ZFAT: variants seen among roughly 807,000 people sequenced by gnomAD.
ZFAT encodes the protein zinc finger and AT-hook domain containing.
Under a neutral mutation model 117.7 loss-of-function variants are expected in ZFAT, and 64 were observed. The ratio of observed to expected loss-of-function variants is 0.54; its 90% confidence interval spans 0.44 to 0.67. The LOEUF is 0.67. Among genes scored for constraint, ZFAT ranks in the 30% least tolerant of loss-of-function variants. The pLI is 0.00. For synonymous variants in ZFAT, 679 were observed against 615.0 expected, an observed-to-expected ratio of 1.10 and a Z score of -1.54; for missense variants, 1,433 against 1,584.5, an observed-to-expected ratio of 0.90 and a Z score of 1.62.
intron 3 of ZFAT, among the ~76,000 whole-genome samples, chr8:134,617,446 T>C (rs117101302): frequency 0.013 from 2,016 of 152,330 alleles, 25 homozygotes; most frequent in Non-Finnish European, 0.02. Context: ...TCCCAGCTAG[T>C]ATTAATAACA....
intron 11 of ZFAT, chr8:134,564,932 T>C (rs1824320930): frequency 1.7e-6 from 2 of 1,207,330 alleles, no homozygotes; most frequent in African/African-American, 3.2e-5. Context: ...ATCTCCAGTT[T>C]TTACAACTGC....
chr8:134,518,109 C>T (rs995799345), intron 13 of ZFAT, among the ~76,000 whole-genome samples: 1 of 152,218 alleles, frequency 6.6e-6, no homozygotes, highest in African/African-American at 2.4e-5. Context: ...CGGATCTCAT[C>T]TGCTATGATT....
At chr8:134,585,291 G>C (rs528342855) in intron 9 of ZFAT, among the ~76,000 whole-genome samples, 1 of 152,110 alleles carries the variant, frequency 6.6e-6, no homozygotes, top group Non-Finnish European at 1.5e-5. Flanking sequence ...CCGAGTCAAA[G>C]CTACAGATGG....
rs533931245 is a variant in ZFAT at position 134,490,084 on chromosome 8, C to T, written c.3493-11363G>A. 2.6e-5 allele frequency among the ~76,000 whole-genome samples: 4 copies of T among 152,364 alleles called. No homozygotes were observed. The South Asian group carries it at 8.3e-4, about 32-fold the overall frequency. On this transcript the variant is annotated intron_variant, in intron 15 of 15. Coordinates refer to ENST00000377838, the MANE Select transcript of ZFAT (RefSeq NM_020863.4). ...CTACCCCGGCCAGGCCACGCTATTT[C>T]TCACTCTAGGTGTGACCACAAGAGC... is the stretch of plus-strand genomic sequence containing the variant.
the ZFAT span, among the ~76,000 whole-genome samples, chr8:134,751,617 G>A: frequency 6.6e-6 from 1 of 152,172 alleles, no homozygotes; most frequent in Admixed American, 6.5e-5. Context: ...TCTCACATGA[G>A]GATTGATTTT....
intron 11 of ZFAT, among the ~76,000 whole-genome samples, chr8:134,559,843 T>A (rs971410123): frequency 6.6e-6 from 1 of 152,228 alleles, no homozygotes; most frequent in Admixed American, 6.5e-5. Context: ...TTTTTATATA[T>A]CCTTTGCCTA....
intron 2 of ZFAT, among the ~76,000 whole-genome samples, chr8:134,648,754 A>G (rs985910618): frequency 2.6e-5 from 4 of 152,276 alleles, no homozygotes; most frequent in Non-Finnish European, 4.4e-5. Context: ...TCCAAAAAAT[A>G]GAAGAGGAGG....
the ZFAT span, among the ~76,000 whole-genome samples, chr8:134,827,500 G>A: frequency 1.1e-4 from 17 of 152,066 alleles, no homozygotes; most frequent in Admixed American, 9.8e-4. Context: ...CTGGGCACGG[G>A]CTAACACCTG....
At position 134,657,750 on chromosome 8, in the gene ZFAT, A is replaced by G. The variant is rs752796903; in HGVS notation, c.20-13T>C. ...ATGGCCGTGTTTTCTGTAAGGAAAA[A>G]AAAGGAAAATATGTTATTTCATCTC... On this transcript the variant is annotated splice_polypyrimidine_tract_variant and intron_variant, in intron 1 of 15. Transcript: ENST00000377838. The G allele has an allele frequency of 4.4e-6, 7 of 1,607,800 alleles. No individual in the cohort carries two copies. In the South Asian group the frequency reaches 4.4e-5, roughly 10 times the overall value.
chr8:134,608,760 T>C lies in ZFAT; in HGVS notation c.754A>G (p.Thr252Ala). ...RGYQEYAIQQ[T>A]PYEQPMKSSR... ...GACTTCATTGGTTGCTCATAAGGTG[T>C]CTGCTGAATGGCGTATTCCTGGTAG... Residue 252 changes from threonine to alanine, a missense_variant, in exon 5 of 16, where the codon ACA becomes GCA. Physicochemically the swap from Thr to Ala is moderately conservative, Grantham distance 58. Around this residue, in one of 5 missense-constraint regions of ZFAT, gnomAD observed 436 missense variants for 482.0 expected, o/e 0.90. Coordinates refer to ENST00000377838, the MANE Select transcript of ZFAT (RefSeq NM_020863.4). 1.9e-6 allele frequency: 3 copies of C among 1,610,884 alleles called. No homozygotes were observed. The highest frequency in any genetic ancestry group is 2.7e-5 in the African/African-American group (2 of 74,854).
At chr8:134,556,726 A>G (rs1823654874) in intron 11 of ZFAT, among the ~76,000 whole-genome samples, 1 of 152,182 alleles carries the variant, frequency 6.6e-6, no homozygotes, top group South Asian at 2.1e-4. Flanking sequence ...ACATACAGAC[A>G]TTCTCAAACA....
At chr8:134,800,222 A>T in the ZFAT span, among the ~76,000 whole-genome samples, 1 of 152,174 alleles carries the variant, frequency 6.6e-6, no homozygotes, top group African/African-American at 2.4e-5. Context: ...TACAATAAAA[A>T]TTTAAATTGA....
At chr8:134,804,958 C>G in the ZFAT span, 2 of 532,048 alleles carry the variant, frequency 3.8e-6, no homozygotes, top group Middle Eastern at 3.2e-4. Flanking sequence ...ACTTTCTGAA[C>G]AAGAAATTTA....
intron 15 of ZFAT, among the ~76,000 whole-genome samples, chr8:134,498,364 C>G: frequency 7.7e-6 from 1 of 130,490 alleles, no homozygotes; most frequent in Non-Finnish European, 1.6e-5. Context: ...CACACACAGC[C>G]TGATTTGGTA....
rs374187776 is a variant in ZFAT, at chr8:134,602,551, C to T, written c.1168G>A (p.Glu390Lys). ...QDKKVKEALD[E>K]LCLMTREGKR... ...CCCTCCCTCGTCATCAGGCAGAGCT[C>T]GTCCAAGGCCTCTTTGACCTTCTTG... Residue 390 changes from glutamate to lysine, a missense_variant, in exon 6 of 16, where the codon GAG becomes AAG. Transcript: ENST00000377838. 6.9e-5 allele frequency: 111 copies of T among 1,614,006 alleles called. No homozygotes were observed. In the Middle Eastern group the frequency reaches 1.3e-3, roughly 19 times the overall value.
the ZFAT span, among the ~76,000 whole-genome samples, chr8:134,752,482 A>G: frequency 1.3e-5 from 2 of 152,228 alleles, no homozygotes; most frequent in Admixed American, 6.5e-5. Flanking sequence ...TGAAAAGCAA[A>G]TAAGAAATGT....
upstream of ZFAT, among the ~76,000 whole-genome samples, chr8:134,717,300 T>TG (rs1380920536): frequency 1.3e-5 from 2 of 151,104 alleles, no homozygotes; most frequent in Non-Finnish European, 2.9e-5. Flanking sequence ...CACCAGCAAA[T>TG]GCCTGCTGCC....
chr8:134,564,053 G>T (rs921977463), intron 11 of ZFAT, among the ~76,000 whole-genome samples: 6 of 152,162 alleles, frequency 3.9e-5, no homozygotes, highest in Non-Finnish European at 8.8e-5. Flanking sequence ...CACTTGGGAG[G>T]CTGAAGCAGG....
intron 11 of ZFAT, among the ~76,000 whole-genome samples, chr8:134,553,458 G>A (rs559240158): frequency 9.8e-5 from 15 of 152,290 alleles, no homozygotes; most frequent in East Asian, 5.8e-4. Context: ...AGCCGAGATC[G>A]CGCCACTGCA....
Sources: gnomAD v4.1 joint callset for allele counts (sites outside exome capture counted in the v4.1 genomes callset) on GRCh38, gnomAD v4.1.1 for gene constraint, gnomAD v4.1.1 regional missense constraint, MANE v1.5 for transcripts, NCBI Gene and HGNC (gene_info 2026-07-23, HGNC 2026-07-21) for gene names.